Variants in NEK6 observed in about 807,000 individuals in gnomAD.
NEK6 encodes serine/threonine-protein kinase Nek6.
Under a neutral mutation model 43.5 loss-of-function variants are expected in NEK6, and 27 were observed. That is an observed-to-expected ratio of 0.62 (90% confidence interval 0.46 to 0.86). The LOEUF is 0.86. Ranked by LOEUF, NEK6 falls within the 40% of genes least tolerant of loss-of-function variation. The pLI is 0.00. For missense variants in NEK6, 318 were observed against 414.4 expected (o/e 0.77, Z 2.02); for synonymous variants, 167 against 164.1 (o/e 1.02, Z -0.14).
chr9:124,320,764 C>T (rs1447087306), intron 4 of NEK6, among the ~76,000 whole-genome samples: 3 of 152,122 alleles, frequency 2.0e-5, no homozygotes, highest in East Asian at 1.9e-4. Context: ...GCAAATCAGC[C>T]GGGCAGCTCT....
At chr9:124,312,020 G>A (rs929251611) in intron 2 of NEK6, among the ~76,000 whole-genome samples, 2 of 152,194 alleles carry the variant, frequency 1.3e-5, no homozygotes, top group African/African-American at 4.8e-5. Context: ...TTTCTTGTCT[G>A]AGATGGGGAA....
In NEK6 at chr9:124,321,506, A is replaced by C; in HGVS notation, c.342A>C (p.Glu114Asp). 1.9e-6 allele frequency: 3 copies of C among 1,614,108 alleles called. No individual in the cohort carries two copies. The highest frequency in any genetic ancestry group is 1.7e-6 in the Non-Finnish European group (2 of 1,179,944). ...NIIKYLDSFI[E>D]DNELNIVLEL... ...TCAAGTATTTGGACTCGTTTATCGA[A>C]GACAACGAGCTGAACATTGTGCTGG... is the stretch of plus-strand genomic sequence containing the variant. Residue 114 changes from glutamate to aspartate, a missense_variant, in exon 5 of 10, where the codon GAA becomes GAC. Transcript: ENST00000320246.
At chr9:124,298,611 G>T (rs1278442977) in intron 1 of NEK6, among the ~76,000 whole-genome samples, 5 of 152,244 alleles carry the variant, frequency 3.3e-5, no homozygotes, top group East Asian at 3.9e-4. Context: ...GCCCATTCGG[G>T]GTGGAGCCAG....
At chr9:124,341,469 G>A (rs2297230) in intron 8 of NEK6, among the ~76,000 whole-genome samples, 2,183 of 8,832 alleles carry the variant, frequency 0.25, 55 homozygotes, top group Non-Finnish European at 0.46. Flanking sequence ...CAGCAGATGC[G>A]GGTGACAAGA....
intron 9 of NEK6, among the ~76,000 whole-genome samples, chr9:124,350,530 A>G (rs895606545): frequency 4.7e-5 from 6 of 127,558 alleles, no homozygotes; most frequent in African/African-American, 1.8e-4. Context: ...ACACACACAC[A>G]CAATTTGCCC....
intron 1 of NEK6, among the ~76,000 whole-genome samples, chr9:124,294,245 A>C (rs931733204): frequency 6.6e-6 from 1 of 152,182 alleles, no homozygotes; most frequent in African/African-American, 2.4e-5. Context: ...GTGTGCTTAT[A>C]ATCTCAGCTA....
At position 124,324,708 on chromosome 9, in the gene NEK6, C is replaced by T. The variant is rs1261379786; in HGVS notation, c.406-1622C>T. 6.6e-6 allele frequency among the ~76,000 whole-genome samples: 1 copy of T among 152,146 alleles called. No homozygotes were observed. Among genetic ancestry groups the T allele is most frequent in the Non-Finnish European group, 1.5e-5 (1 of 68,020 alleles). The stretch of plus-strand genomic sequence containing the variant: ...CCTGAGAGGGCCTCCCAGAATTGTA[C>T]CTCAGAACAGCCTCGAGGGGATTTA... On this transcript the variant is annotated intron_variant, in intron 5 of 9. Coordinates refer to ENST00000320246, the MANE Select transcript of NEK6 (RefSeq NM_014397.6). The surrounding 1 kb of genome is among the most constrained non-coding windows in gnomAD (Gnocchi z 5.3).
intron 4 of NEK6, among the ~76,000 whole-genome samples, chr9:124,316,061 T>C (rs1833804648): frequency 1.3e-5 from 2 of 152,164 alleles, no homozygotes; most frequent in Admixed American, 1.3e-4. Context: ...CCAGCCGCCT[T>C]CCCGAACACG....
intron 8 of NEK6, among the ~76,000 whole-genome samples, chr9:124,346,883 C>T (rs962474030): frequency 6.6e-6 from 1 of 152,226 alleles, no homozygotes; most frequent in East Asian, 1.9e-4. Context: ...CAGGCCTCAC[C>T]TCATCAAAGG....
At chr9:124,345,591 T>C (rs1829878314) in intron 8 of NEK6, among the ~76,000 whole-genome samples, 1 of 152,122 alleles carries the variant, frequency 6.6e-6, no homozygotes, top group African/African-American at 2.4e-5. Context: ...GTTTATAAAA[T>C]TGAGATCAAA....
intron 3 of NEK6, among the ~76,000 whole-genome samples, chr9:124,313,397 T>G (rs1833642697): frequency 6.6e-6 from 1 of 150,400 alleles, no homozygotes; most frequent in Admixed American, 6.6e-5. Flanking sequence ...TGAGATAGAG[T>G]CTCAGTCTAT....
intron 5 of NEK6, among the ~76,000 whole-genome samples, chr9:124,323,559 C>G (rs902355444): frequency 6.6e-6 from 1 of 152,140 alleles, no homozygotes; most frequent in Non-Finnish European, 1.5e-5. Context: ...GAACGCAGCC[C>G]GTGGAGAGGA....
intron 1 of NEK6, among the ~76,000 whole-genome samples, chr9:124,278,847 C>G (rs1337847661): frequency 1.3e-5 from 2 of 152,176 alleles, no homozygotes; most frequent in Admixed American, 1.3e-4. Context: ...TTCCCGTCAC[C>G]TAGAGCACCC....
intron 7 of NEK6, among the ~76,000 whole-genome samples, chr9:124,338,143 G>A (rs945563291): frequency 2.0e-5 from 3 of 152,102 alleles, no homozygotes; most frequent in Non-Finnish European, 2.9e-5. Context: ...ACCATGCCTG[G>A]CTAATTTTTG....
At chr9:124,342,228 C>T (rs1009373610) in intron 8 of NEK6, among the ~76,000 whole-genome samples, 3 of 152,220 alleles carry the variant, frequency 2.0e-5, no homozygotes, top group African/African-American at 4.8e-5. Flanking sequence ...AAGTGGGCAT[C>T]GTTCACCCGG....
chr9:124,325,356 G>A (rs1236009267), intron 5 of NEK6, among the ~76,000 whole-genome samples: 1 of 152,222 alleles, frequency 6.6e-6, no homozygotes, highest in African/African-American at 2.4e-5. Flanking sequence ...GAAAGTGCTG[G>A]CCCAGCTCCT....
intron 9 of NEK6, among the ~76,000 whole-genome samples, chr9:124,349,508 C>T (rs562198398): frequency 2.3e-4 from 35 of 152,320 alleles, no homozygotes; most frequent in Admixed American, 2.2e-3. Flanking sequence ...TCTCGCCGGG[C>T]CCCATGCTTA....
intron 4 of NEK6, among the ~76,000 whole-genome samples, chr9:124,319,599 AG>A (rs1833971301): frequency 6.6e-6 from 1 of 152,224 alleles, no homozygotes; most frequent in African/African-American, 2.4e-5. Context: ...CTTACATTTA[AG>A]TCTTCAATCA....
intron 3 of NEK6, among the ~76,000 whole-genome samples, chr9:124,313,608 TCCAC>T (rs1163570050): frequency 1.3e-5 from 2 of 152,186 alleles, no homozygotes; most frequent in Non-Finnish European, 2.9e-5. Context: ...CCTCAAGTGA[TCCAC>T]CCACCTCAGC....
Sources: allele counts gnomAD v4.1 joint callset (sites outside exome capture counted in the v4.1 genomes callset), GRCh38; gene constraint gnomAD v4.1.1; non-coding constraint Gnocchi (gnomAD v3.1); transcripts MANE v1.5; gene names NCBI Gene and HGNC (gene_info 2026-07-23, HGNC 2026-07-21).